The following LRRC3B variants were observed in gnomAD, a reference collection of about 807,000 sequenced individuals.
LRRC3B encodes leucine rich repeat containing 3B, also known as leucine-rich repeat-containing protein 3B.
A neutral mutation model predicts 12.8 loss-of-function variants in LRRC3B; 2 were observed. The observed-to-expected ratio is 0.16, with a 90% CI of 0.06 to 0.49. LRRC3B has a LOEUF of 0.49. LRRC3B is among the 20% of genes least tolerant of loss of function. The pLI is 0.96. For missense variants in LRRC3B, 189 were observed against 319.4 expected, an observed-to-expected ratio of 0.59 and a Z score of 3.11; for synonymous variants, 132 against 122.0, an observed-to-expected ratio of 1.08 and a Z score of -0.54.
intron 1 of LRRC3B, among the ~76,000 whole-genome samples, chr3:26,705,106 T>G (rs1559374297): frequency 6.6e-6 from 1 of 152,006 alleles, no homozygotes; most frequent in Non-Finnish European, 1.5e-5. Flanking sequence ...AAGAAAGAAA[T>G]AAGCAGAAAG....
At chr3:26,628,988 T>C (rs761158124) in intron 1 of LRRC3B, among the ~76,000 whole-genome samples, 1 of 152,228 alleles carries the variant, frequency 6.6e-6, no homozygotes, top group Non-Finnish European at 1.5e-5. Flanking sequence ...TTAATACTTG[T>C]CCAGTGCAAA....
chr3:26,638,265 T>A (rs75398397), intron 1 of LRRC3B, among the ~76,000 whole-genome samples: 1,781 of 152,162 alleles, frequency 0.012, 31 homozygotes, highest in African/African-American at 0.038. Context: ...ATAAAAAAAA[T>A]TTCAGGATTT....
At chr3:26,704,682 G>C (rs1028451890) in intron 1 of LRRC3B, among the ~76,000 whole-genome samples, 1 of 152,016 alleles carries the variant, frequency 6.6e-6, no homozygotes, top group Non-Finnish European at 1.5e-5. Flanking sequence ...GGGACTATAG[G>C]TGTGTACTGT....
At chr3:26,654,090 C>G (rs993956042) in intron 1 of LRRC3B, among the ~76,000 whole-genome samples, 2 of 152,060 alleles carry the variant, frequency 1.3e-5, no homozygotes, top group African/African-American at 4.8e-5. Context: ...TTTCTAATAA[C>G]CTGCAAAATA....
intron 1 of LRRC3B, among the ~76,000 whole-genome samples, chr3:26,634,128 G>T (rs1197251049): frequency 2.7e-5 from 4 of 150,454 alleles, no homozygotes; most frequent in African/African-American, 1.0e-4. Flanking sequence ...TTTTGAATAT[G>T]ATTCTGCCAT....
intron 1 of LRRC3B, among the ~76,000 whole-genome samples, chr3:26,701,696 C>G (rs1438028779): frequency 6.6e-6 from 1 of 152,092 alleles, no homozygotes; most frequent in African/African-American, 2.4e-5. Context: ...GGTTCTCTTT[C>G]CAAGACACTC....
In LRRC3B at chr3:26,623,776, A is replaced by G. The variant is rs73057402; in HGVS notation, c.-161+539A>G. 5.0e-3 allele frequency: 764 copies of G among 152,342 alleles called. 3 individuals carry two copies. Among genetic ancestry groups the G allele is most frequent in the Middle Eastern group, 0.01 (3 of 294 alleles). 9.4% of individuals were successfully genotyped at this position (152,342 alleles called of 1,614,324 possible). A position where few individuals can be genotyped will look rare whatever the true frequency, so the allele number is the denominator to read the frequency against. ...CGTCCAGCGCGATGGGAGTCAGTCC[A>G]TCCTTGCACACGCCACCCCCAACTC... On this transcript the variant is annotated intron_variant, in intron 1 of 1. Transcript: ENST00000396641.
At chr3:26,642,880 G>A (rs1699060652) in intron 1 of LRRC3B, among the ~76,000 whole-genome samples, 1 of 152,056 alleles carries the variant, frequency 6.6e-6, no homozygotes, top group African/African-American at 2.4e-5. Context: ...AGCTGGGTGT[G>A]GTGGTGTGTT....
At chr3:26,678,907 A>G (rs548948630) in intron 1 of LRRC3B, among the ~76,000 whole-genome samples, 1 of 152,244 alleles carries the variant, frequency 6.6e-6, no homozygotes, top group Admixed American at 6.5e-5. Flanking sequence ...AAAAAGTGAA[A>G]ACTGGAATTC....
exon 2 of LRRC3B, chr3:26,710,483 G>GAA (rs778856723): frequency 6.6e-7 from 1 of 1,522,698 alleles, no homozygotes; most frequent in South Asian, 1.3e-5. Context: ...GAGAAAGAAA[G>GAA]AAAGTAGTTT....
intron 1 of LRRC3B, among the ~76,000 whole-genome samples, chr3:26,636,994 TTCTC>T (rs1698915428): frequency 1.4e-5 from 2 of 146,912 alleles, no homozygotes; most frequent in Non-Finnish European, 3.0e-5. Flanking sequence ...CTTTCTCTCT[TTCTC>T]TCTTTCTTTC....
intron 1 of LRRC3B, among the ~76,000 whole-genome samples, chr3:26,700,842 T>C (rs1700435634): frequency 6.6e-6 from 1 of 152,214 alleles, no homozygotes; most frequent in African/African-American, 2.4e-5. Flanking sequence ...AAATGGGTTA[T>C]ATAACCTCTT....
chr3:26,668,703 A>T (rs1699658938), intron 1 of LRRC3B, among the ~76,000 whole-genome samples: 1 of 152,164 alleles, frequency 6.6e-6, no homozygotes, highest in Non-Finnish European at 1.5e-5. Context: ...AGGGATAAAT[A>T]ATTATTGTTA....
At chr3:26,631,318 C>G (rs1320365361) in intron 1 of LRRC3B, among the ~76,000 whole-genome samples, 1 of 152,180 alleles carries the variant, frequency 6.6e-6, no homozygotes, top group Non-Finnish European at 1.5e-5. Context: ...GCATTTCAGC[C>G]AAAAGTTTCA....
At chr3:26,624,561 C>G (rs1698579589) in intron 1 of LRRC3B, 1 of 152,804 alleles carries the variant, frequency 6.5e-6, no homozygotes, top group South Asian at 2.1e-4. Context: ...GTGGGAGCCA[C>G]TTTCCCCCGC....
intron 1 of LRRC3B, among the ~76,000 whole-genome samples, chr3:26,685,521 CTCTATATATATATATATATATATA>C (rs1700065338): frequency 4.8e-5 from 2 of 41,516 alleles, no homozygotes; most frequent in South Asian, 2.2e-3. Flanking sequence ...CTCTCTCTCT[CTCTATATATATATATATATATATA>C]TATATATATA....
chr3:26,665,764 A>T (rs1699585210), intron 1 of LRRC3B, among the ~76,000 whole-genome samples: 1 of 152,296 alleles, frequency 6.6e-6, no homozygotes, highest in Non-Finnish European at 1.5e-5. Flanking sequence ...TTTTTAAGCT[A>T]AAAGAAAGTT....
intron 1 of LRRC3B, among the ~76,000 whole-genome samples, chr3:26,667,884 C>T (rs1575142659): frequency 6.6e-6 from 1 of 151,820 alleles, no homozygotes; most frequent in Non-Finnish European, 1.5e-5. Flanking sequence ...CATTGGATTA[C>T]CAATTTTTTT....
chr3:26,693,809 GGTAATA>G (rs1178717309), intron 1 of LRRC3B, among the ~76,000 whole-genome samples: 1 of 152,096 alleles, frequency 6.6e-6, no homozygotes, highest in Non-Finnish European at 1.5e-5. Flanking sequence ...AGCCTTTAAG[GGTAATA>G]GTATTAAATA....
Sources: gnomAD v4.1 joint callset for allele counts (sites outside exome capture counted in the v4.1 genomes callset) on GRCh38, gnomAD v4.1.1 for gene constraint, MANE v1.5 for transcripts, NCBI Gene and HGNC (gene_info 2026-07-23, HGNC 2026-07-21) for gene names.